Variants in AKT2 observed in about 807,000 individuals in gnomAD.
The protein encoded by AKT2 is RAC-beta serine/threonine-protein kinase.
In AKT2, 16 loss-of-function variants were observed where a neutral mutation model predicts 58.6. The observed-to-expected ratio is 0.27, with a 90% CI of 0.18 to 0.41. The LOEUF is 0.41. Ranked by LOEUF, AKT2 falls within the 10% of genes least tolerant of loss-of-function variation. The pLI is 1.00. For synonymous variants in AKT2, 253 were observed against 254.0 expected, an observed-to-expected ratio of 1.00 and a Z score of 0.04; for missense variants, 438 against 661.0, an observed-to-expected ratio of 0.66 and a Z score of 3.70.
chr19:40,255,112 A>T (rs747777805), intron 4 of AKT2, 46 bp downstream of exon 4: 14 of 1,446,664 alleles, frequency 9.7e-6, no homozygotes, highest in Non-Finnish European at 1.4e-5. Context: ...TCCTCACACC[A>T]GGCTTGCTCC....
intron 4 of AKT2, among the ~76,000 whole-genome samples, chr19:40,248,786 G>A (rs894685016): frequency 2.2e-4 from 33 of 147,468 alleles, no homozygotes; most frequent in Non-Finnish European, 1.6e-4. Flanking sequence ...ATGAGGACAG[G>A]GAGGAGTGGA....
chr19:40,237,332 T>G lies in AKT2; in HGVS notation c.831+637A>C. The G allele has an allele frequency of 6.5e-6, 1 of 154,662 alleles. No individual in the cohort carries two copies. Among genetic ancestry groups the G allele is most frequent in the Non-Finnish European group, 1.4e-5 (1 of 69,492 alleles). The allele number at this position is 154,662 out of a possible 1,614,324, so 9.6% of individuals were successfully genotyped here. ...TAGGGCAGATGACTGGTGCTCAGCT[T>G]TGGTGGACACTGCCAAACTATCTTC... is the stretch of plus-strand genomic sequence containing the variant. On this transcript the variant is annotated intron_variant, in intron 9 of 13. Transcript: ENST00000392038. This position sits in a 1 kb window ranked among gnomAD's most constrained non-coding sequence, Gnocchi z 4.5.
At chr19:40,267,958 T>C (rs1284961465) in intron 1 of AKT2, among the ~76,000 whole-genome samples, 1 of 151,510 alleles carries the variant, frequency 6.6e-6, no homozygotes, top group Non-Finnish European at 1.5e-5. Context: ...GTGTAACACA[T>C]GAGGAAATGT....
intron 1 of AKT2, among the ~76,000 whole-genome samples, chr19:40,266,807 T>G (rs2145371526): frequency 6.6e-6 from 1 of 152,142 alleles, no homozygotes; most frequent in Middle Eastern, 3.4e-3. Context: ...ACAAAAAAAT[T>G]AAAAATTAAA....
intron 1 of AKT2, among the ~76,000 whole-genome samples, chr19:40,283,534 C>T (rs2077460765): frequency 6.6e-6 from 1 of 152,258 alleles, no homozygotes; most frequent in Admixed American, 6.5e-5. Flanking sequence ...TCTGCCCCCT[C>T]TGACCACATC....
intron 2 of AKT2, 152 bp from the exon 3 acceptor site, chr19:40,257,206 G>A (rs749426282): frequency 1.8e-5 from 19 of 1,078,338 alleles, no homozygotes; most frequent in Non-Finnish European, 2.2e-5. Flanking sequence ...TCTCCCAGAG[G>A]AGCCCTCCAG....
chr19:40,262,057 G>A (rs1333001417), intron 2 of AKT2, among the ~76,000 whole-genome samples: 1 of 151,956 alleles, frequency 6.6e-6, no homozygotes, highest in Non-Finnish European at 1.5e-5. Flanking sequence ...ATTGGGGCGA[G>A]TTTATTATCC....
intron 1 of AKT2, among the ~76,000 whole-genome samples, chr19:40,280,334 C>A (rs1397393094): frequency 6.6e-6 from 1 of 152,208 alleles, no homozygotes; most frequent in East Asian, 1.9e-4. Context: ...CAGCCACGGG[C>A]TCTGGAGAAC....
In AKT2 at chr19:40,262,950, A is replaced by G. The variant is rs756466100; in HGVS notation, c.46+2272T>C. On this transcript the variant is annotated intron_variant, in intron 2 of 13. Transcript: ENST00000392038. ...CCCACCTCTGCCAGCTGCTACTCAG[A>G]AAGATGGGCACTGGGAAGGCCCAAG... Among the ~76,000 whole-genome samples, 131 of 152,334 alleles carry G rather than the reference A, an allele frequency of 8.6e-4. 1 individual carries two copies. Among genetic ancestry groups the G allele is most frequent in the Non-Finnish European group, 1.9e-3 (126 of 68,032 alleles).
chr19:40,257,967 C>A (rs576939832), intron 2 of AKT2, among the ~76,000 whole-genome samples: 35 of 152,222 alleles, frequency 2.3e-4, no homozygotes, highest in African/African-American at 8.4e-4. Context: ...AAAAGTAGGG[C>A]CCGGCACGGT....
At chr19:40,275,588 C>G (rs1415141186) in intron 1 of AKT2, 1 of 307,984 alleles carries the variant, frequency 3.2e-6, no homozygotes, top group Non-Finnish European at 6.6e-6. Context: ...GCAGAACTAG[C>G]CCACAGACCT....
chr19:40,245,397 AG>A (rs1255085647), intron 4 of AKT2, among the ~76,000 whole-genome samples: 1 of 152,210 alleles, frequency 6.6e-6, no homozygotes, highest in East Asian at 1.9e-4. Context: ...AAATTAAGGA[AG>A]GTGAAGAACA....
intron 1 of AKT2, among the ~76,000 whole-genome samples, chr19:40,269,791 GGAGT>G (rs1976587846): frequency 6.6e-6 from 1 of 152,174 alleles, no homozygotes; most frequent in African/African-American, 2.4e-5. Flanking sequence ...CAGCAGGGAA[GGAGT>G]GAGAGAATGT....
intron 1 of AKT2, among the ~76,000 whole-genome samples, chr19:40,266,993 A>G (rs1451377521): frequency 1.3e-5 from 2 of 152,006 alleles, no homozygotes; most frequent in Non-Finnish European, 2.9e-5. Flanking sequence ...GTATTTCTGT[A>G]TCTCCCACTG....
Position 40,255,119 on chromosome 19 carries a change from C to A in AKT2, c.287+39G>T, listed in dbSNP as rs181993899. On this transcript the variant is annotated intron_variant, in intron 4 of 13. Transcript: ENST00000392038. The stretch of plus-strand genomic sequence containing the variant: ...ACCTTTTCTCCTCACACCAGGCTTG[C>A]TCCCTCTCAAGGGCAGCCACACAGA... The A allele has an allele frequency of 3.8e-3, 5,708 of 1,500,790 alleles. 11 individuals are homozygous for A. Among genetic ancestry groups the A allele is most frequent in the Non-Finnish European group, 4.6e-3 (4,920 of 1,077,200 alleles). The allele number at this position is 1,500,790 out of a possible 1,614,324, so 93.0% of individuals were successfully genotyped here.
chr19:40,241,816 G>T, intron 6 of AKT2, 122 bp downstream of exon 6: 1 of 1,448,632 alleles, frequency 6.9e-7, no homozygotes, highest in Non-Finnish European at 9.4e-7. Flanking sequence ...TGACTAGGGG[G>T]AATTTGTGGG....
intron 1 of AKT2, among the ~76,000 whole-genome samples, chr19:40,271,128 C>G (rs2077204276): frequency 6.6e-6 from 1 of 150,588 alleles, no homozygotes; most frequent in African/African-American, 2.5e-5. Flanking sequence ...TCCTCTGAAC[C>G]CAGGAGTTTG....
rs1352643863 is a variant in AKT2, at chr19:40,238,144, C to G, written c.709-53G>C. The G allele has an allele frequency of 6.4e-7, 1 of 1,552,696 alleles. No homozygotes were observed. The highest frequency in any genetic ancestry group is 2.0e-5 in the Admixed American group (1 of 51,174). Reference sequence around the variant, plus strand: ...GGTCAGGCCCCAGCCCACCCACCTGCCCTCACCTTCCCAGCCCCCTGCCCC... The same window carrying G: ...GGTCAGGCCCCAGCCCACCCACCTGGCCTCACCTTCCCAGCCCCCTGCCCC... On this transcript the variant is annotated intron_variant, in intron 8 of 13. Transcript: ENST00000392038. This position sits in a 1 kb window ranked among gnomAD's most constrained non-coding sequence, Gnocchi z 5.1.
At chr19:40,258,191 C>G (rs1975679844) in intron 2 of AKT2, among the ~76,000 whole-genome samples, 1 of 148,166 alleles carries the variant, frequency 6.7e-6, no homozygotes, top group Non-Finnish European at 1.5e-5. Flanking sequence ...TTGCCGTGAG[C>G]CGAGATCACA....
Sources: allele counts gnomAD v4.1 joint callset (sites outside exome capture counted in the v4.1 genomes callset), GRCh38; gene constraint gnomAD v4.1.1; non-coding constraint Gnocchi (gnomAD v3.1); transcripts MANE v1.5; gene names NCBI Gene and HGNC (gene_info 2026-07-23, HGNC 2026-07-21).